Variants in LEF1 observed in about 807,000 individuals in gnomAD.
LEF1 encodes the protein lymphoid enhancer-binding factor 1.
Under a neutral mutation model 51.2 loss-of-function variants are expected in LEF1, and 14 were observed. The observed-to-expected ratio is 0.27, with a 90% CI of 0.18 to 0.43. LEF1 has a LOEUF of 0.43. Ranked by LOEUF, LEF1 falls within the 20% of genes least tolerant of loss-of-function variation. The pLI is 1.00. For synonymous variants in LEF1, 185 were observed against 183.2 expected (o/e 1.01, Z -0.08); for missense variants, 386 against 512.0 (o/e 0.75, Z 2.37).
At chr4:108,057,916 T>C (rs917552748) in intron 11 of LEF1, among the ~76,000 whole-genome samples, 2 of 151,416 alleles carry the variant, frequency 1.3e-5, no homozygotes, top group Non-Finnish European at 2.9e-5. Flanking sequence ...CACTGTCACC[T>C]GGGCTAGAGT....
At chr4:108,062,742 G>A (rs1159432107) in intron 11 of LEF1, among the ~76,000 whole-genome samples, 1 of 152,182 alleles carries the variant, frequency 6.6e-6, no homozygotes, top group Non-Finnish European at 1.5e-5. Context: ...CTGAGCACCT[G>A]AACTAGGGCT....
rs749709291 is a variant in LEF1, at chr4:108,064,068, AAAAC to A, written c.1165+264_1165+267del. ...AAACACAGACAACAGAAGCAAAAAT[AAAAC>A]AAACAAACAAACAAAATCCCACAGT... is the stretch of plus-strand genomic sequence containing the variant. On this transcript the variant is annotated intron_variant, in intron 10 of 11. Transcript: ENST00000265165. Among the ~76,000 whole-genome samples the A allele has an allele frequency of 7.3e-4, 111 of 152,334 alleles. 2 individuals carry two copies. The highest frequency in any genetic ancestry group is 3.9e-4 in the Admixed American group (6 of 15,302).
At chr4:108,114,253 A>C (rs906013551) in intron 3 of LEF1, among the ~76,000 whole-genome samples, 9 of 152,300 alleles carry the variant, frequency 5.9e-5, no homozygotes, top group African/African-American at 1.9e-4. Flanking sequence ...AAGCAAACTA[A>C]TTTAAAAAGT....
chr4:108,156,654 T>C (rs575351929), intron 3 of LEF1, among the ~76,000 whole-genome samples: 2 of 152,370 alleles, frequency 1.3e-5, no homozygotes, highest in East Asian at 3.9e-4. Context: ...GTCCCCCAGT[T>C]ACTTTATGAT....
At chr4:108,096,915 G>A (rs2110284116) in intron 3 of LEF1, among the ~76,000 whole-genome samples, 1 of 152,244 alleles carries the variant, frequency 6.6e-6, no homozygotes, top group South Asian at 2.1e-4. Context: ...AGTTAAAATG[G>A]TTTTTATCCA....
At chr4:108,070,442 A>T in intron 9 of LEF1, 2 of 357,896 alleles carry the variant, frequency 5.6e-6, no homozygotes, top group Non-Finnish European at 9.9e-6. Context: ...TATTTCAAAA[A>T]TTTTATTTAA....
At chr4:108,050,302 G>C in intron 11 of LEF1, among the ~76,000 whole-genome samples, 1 of 152,144 alleles carries the variant, frequency 6.6e-6, no homozygotes, top group Non-Finnish European at 1.5e-5. Context: ...GGAGGAGAAG[G>C]CACCCTTAGG....
intron 3 of LEF1, among the ~76,000 whole-genome samples, chr4:108,133,132 C>T (rs1219477114): frequency 1.3e-5 from 2 of 152,174 alleles, no homozygotes; most frequent in South Asian, 4.1e-4. Context: ...CACCACCATG[C>T]CTGGCTAATT....
intron 3 of LEF1, among the ~76,000 whole-genome samples, chr4:108,153,348 T>C (rs1300828664): frequency 6.6e-6 from 1 of 152,222 alleles, no homozygotes; most frequent in Non-Finnish European, 1.5e-5. Context: ...GTCCATGGTT[T>C]GTATCACAGT....
intron 8 of LEF1, among the ~76,000 whole-genome samples, chr4:108,077,644 G>A (rs1456917179): frequency 2.1e-5 from 3 of 139,904 alleles, no homozygotes; most frequent in African/African-American, 8.0e-5. Context: ...GCCTCTGCCC[G>A]GCTGCCGCCC....
In LEF1 at chr4:108,137,846, A is replaced by G. The variant is rs545125321; in HGVS notation, c.414+25722T>C. On this transcript the variant is annotated intron_variant, in intron 3 of 11. Transcript: ENST00000265165. ...TTGTCCTATAGAATATATCAACCCA[A>G]TATAACATGCCAAAATATAACATTC... Among the ~76,000 whole-genome samples the G allele has an allele frequency of 1.1e-4, 17 of 152,306 alleles. No homozygotes were observed. The South Asian group carries it at 3.3e-3, about 30-fold the overall frequency.
chr4:108,167,784 T>G lies in LEF1; in HGVS notation c.-17A>C, dbSNP rs368583014. The G allele has an allele frequency of 3.1e-6, 5 of 1,608,210 alleles. No homozygotes were observed. The highest frequency in any genetic ancestry group is 2.5e-6 in the Non-Finnish European group (3 of 1,178,714). ...TTGGGGCATCCCGGCGGCTCTGTAA[T>G]CTCCGCTCCGCTGTGGGAGCACCCG... On this transcript the variant is annotated 5_prime_UTR_variant, in exon 1 of 12. Coordinates refer to ENST00000265165, the MANE Select transcript of LEF1 (RefSeq NM_016269.5). The surrounding 1 kb of genome is among the most constrained non-coding windows in gnomAD (Gnocchi z 5.7).
intron 3 of LEF1, among the ~76,000 whole-genome samples, chr4:108,095,747 T>C (rs1248985877): frequency 6.6e-6 from 1 of 152,174 alleles, no homozygotes; most frequent in Non-Finnish European, 1.5e-5. Flanking sequence ...CCTAAAGCCA[T>C]ACCTAAGTTA....
chr4:108,081,535 C>A (rs750579111), intron 6 of LEF1, 51 bp downstream of exon 6: 2 of 1,451,934 alleles, frequency 1.4e-6, no homozygotes, highest in African/African-American at 1.4e-5. Flanking sequence ...AGGATGCAAG[C>A]ACGAGAAGAG....
rs890897705 is a variant in LEF1, at chr4:108,168,126, G to C, written c.-359C>G. The C allele has an allele frequency of 6.5e-6, 1 of 152,716 alleles. No homozygotes were observed. The highest frequency in any genetic ancestry group is 2.4e-5 in the African/African-American group (1 of 41,466). 9.5% of individuals were successfully genotyped at this position (152,716 alleles called of 1,614,324 possible). ...CCCGGCGGCCACCCCGCGACCCCGC[G>C]TCGCCGGGATTTGCGCGCGGAGAAC... On this transcript the variant is annotated 5_prime_UTR_variant, in exon 1 of 12. Transcript: ENST00000265165. The surrounding 1 kb of genome is among the most constrained non-coding windows in gnomAD (Gnocchi z 4.6).
intron 3 of LEF1, among the ~76,000 whole-genome samples, chr4:108,128,940 T>C (rs1359417597): frequency 6.6e-6 from 1 of 152,168 alleles, no homozygotes; most frequent in Non-Finnish European, 1.5e-5. Flanking sequence ...CAAATAAATA[T>C]TATTACAGAT....
chr4:108,157,179 T>TATACACACACACAC (rs780217431), intron 3 of LEF1, among the ~76,000 whole-genome samples: 64 of 116,786 alleles, frequency 5.5e-4, no homozygotes, highest in Non-Finnish European at 6.9e-4. Context: ...TATATATATA[T>TATACACACACACAC]ACACACACAC....
intron 2 of LEF1, among the ~76,000 whole-genome samples, 195 bp from the exon 3 acceptor site, chr4:108,163,896 A>G (rs1745226223): frequency 6.6e-6 from 1 of 152,240 alleles, no homozygotes; most frequent in Admixed American, 6.5e-5. Context: ...TTAGCAGCAA[A>G]CCAGATGTTT....
intron 11 of LEF1, among the ~76,000 whole-genome samples, chr4:108,050,622 G>A (rs1366181280): frequency 6.6e-6 from 1 of 152,186 alleles, no homozygotes; most frequent in Non-Finnish European, 1.5e-5. Context: ...ATTTTCAAAG[G>A]CTTGGTCCAG....
Sources: allele counts gnomAD v4.1 joint callset (sites outside exome capture counted in the v4.1 genomes callset), GRCh38; gene constraint gnomAD v4.1.1; non-coding constraint Gnocchi (gnomAD v3.1); transcripts MANE v1.5; gene names NCBI Gene and HGNC (gene_info 2026-07-23, HGNC 2026-07-21).